LCE1E: variants seen among roughly 807,000 people sequenced by gnomAD.
The protein encoded by LCE1E is late cornified envelope 1E, also known as late cornified envelope protein 1E.
For missense variants in LCE1E, 144 were observed against 144.3 expected (o/e 1.00, Z 0.01); for synonymous variants, 61 against 55.0 (o/e 1.11, Z -0.48).
At chr1:152,786,878 C>A (rs1207429297) in intron 1 of LCE1E, among the ~76,000 whole-genome samples, 2 of 152,134 alleles carry the variant, frequency 1.3e-5, no homozygotes, top group African/African-American at 4.8e-5. Context: ...TATCCAAGAT[C>A]TTTTGTAGTA....
intron 1 of LCE1E, among the ~76,000 whole-genome samples, chr1:152,786,956 A>G (rs1284512082): frequency 6.6e-6 from 1 of 152,242 alleles, no homozygotes; most frequent in Non-Finnish European, 1.5e-5. Flanking sequence ...TCTTTAAGAA[A>G]TAATTTTCCC....
rs763571506 is a variant in LCE1E, at chr1:152,787,488, C to G, written c.189C>G (p.Ser63Arg). Residue 63 changes from serine (S) to arginine (R), a missense_variant, in exon 2 of 2, where the codon AGC (serine) becomes AGG (arginine). By Grantham distance (110) the Ser-to-Arg change is moderately radical (BLOSUM62 -1). Transcript: ENST00000368770. ...GSSSGGSCGSSSGGCCSSGGG... is the reference protein window; with the variant it reads ...GSSSGGSCGSRSGGCCSSGGG... Reference sequence around the variant, plus strand: ...GCTCTGGGGGCAGCTGTGGCTCCAGCTCTGGGGGCTGCTGCAGCTCTGGGG... The same window carrying G: ...GCTCTGGGGGCAGCTGTGGCTCCAGGTCTGGGGGCTGCTGCAGCTCTGGGG... 36 of 1,613,612 alleles carry G rather than the reference C, an allele frequency of 2.2e-5. No individual in the cohort carries two copies. The highest frequency in any genetic ancestry group is 3.0e-5 in the Non-Finnish European group (35 of 1,179,808).
rs1331173068 is a variant in LCE1E at position 152,788,290 on chromosome 1, G to C, written c.*634G>C. On this transcript the variant is annotated 3_prime_UTR_variant, in exon 2 of 2. Coordinates refer to ENST00000368770, the MANE Select transcript of LCE1E (RefSeq NM_178353.2). ...TCTCCCTGGACTCCTCCTCCATACT[G>C]TATGTGCATGCATTCACACACACAT... 3 of 148,944 alleles carry C rather than the reference G, an allele frequency of 2.0e-5. No individual in the cohort carries two copies. Among genetic ancestry groups the C allele is most frequent in the African/African-American group, 7.9e-5 (3 of 37,876 alleles). 9.2% of individuals were successfully genotyped at this position (148,944 alleles called of 1,614,324 possible). A position where few individuals can be genotyped will look rare whatever the true frequency, so the allele number is the denominator to read the frequency against.
At chr1:152,786,732 G>C (rs1179240787) in intron 1 of LCE1E, among the ~76,000 whole-genome samples, 1 of 152,164 alleles carries the variant, frequency 6.6e-6, no homozygotes, top group Non-Finnish European at 1.5e-5. Flanking sequence ...CCACCCATCA[G>C]CCTGAGCAGG....
At position 152,787,375 on chromosome 1, in the gene LCE1E, A is replaced by G. The variant is rs757709670; in HGVS notation, c.76A>G (p.Thr26Ala). Residue 26 changes from threonine (T) to alanine (A), a missense_variant, in exon 2 of 2, where the codon ACC (threonine) becomes GCC (alanine). By Grantham distance (58) the Thr-to-Ala change is moderately conservative. Transcript: ENST00000368770. ...CTPKCPPKCPTPKCPPKCPPK... is the reference protein window; with the variant it reads ...CTPKCPPKCPAPKCPPKCPPK... ...TCCCAAGTGCCCTCCCAAGTGTCCC[A>G]CCCCCAAATGCCCTCCAAAGTGTCC... 10 of 1,610,430 alleles carry G rather than the reference A, an allele frequency of 6.2e-6. No individual in the cohort carries two copies. The highest frequency in any genetic ancestry group is 8.5e-6 in the Non-Finnish European group (10 of 1,179,008).
Position 152,787,804 on chromosome 1 carries a change from T to A in LCE1E, c.*148T>A. 7.3e-6 allele frequency: 7 copies of A among 965,306 alleles called. No homozygotes were observed. Among genetic ancestry groups the A allele is most frequent in the Non-Finnish European group, 1.1e-5 (7 of 653,890 alleles). 59.8% of individuals were successfully genotyped at this position (965,306 alleles called of 1,614,324 possible). On this transcript the variant is annotated 3_prime_UTR_variant, in exon 2 of 2. Transcript: ENST00000368770. ...CCTTAATGGCATTTAGAGACTTTCTTCTGCAGATCCATGGCTGCCCTGGGA... is the reference window on the plus strand; with the variant it reads ...CCTTAATGGCATTTAGAGACTTTCTACTGCAGATCCATGGCTGCCCTGGGA...
Position 152,787,626 on chromosome 1 carries a change from C to A in LCE1E, c.327C>A (p.Gly109=), listed in dbSNP as rs148574694. The change falls in exon 2 of 2, where the codon GGC becomes GGA. Residue 109 remains glycine (G), a synonymous_variant. Transcript: ENST00000368770. ...PSGGSSCCGG[G]SGQHSGGCC Reference sequence around the variant, plus strand: ...GGGGCTCCAGCTGCTGTGGAGGGGGCAGCGGCCAGCACTCTGGAGGCTGCT... The same window carrying A: ...GGGGCTCCAGCTGCTGTGGAGGGGGAAGCGGCCAGCACTCTGGAGGCTGCT... 102 of 1,595,156 alleles carry A rather than the reference C, an allele frequency of 6.4e-5. No individual in the cohort carries two copies. The highest frequency in any genetic ancestry group is 8.4e-5 in the Non-Finnish European group (98 of 1,170,796).
In LCE1E at chr1:152,787,473, C is replaced by T. The variant is rs149361062; in HGVS notation, c.174C>T (p.Gly58=). The change falls in exon 2 of 2, where the codon GGC becomes GGT. Residue 58 remains glycine (G), a synonymous_variant. Coordinates refer to ENST00000368770, the MANE Select transcript of LCE1E (RefSeq NM_178353.2). ...GCTGCTGTGGCTCCAGCTCTGGGGG[C>T]AGCTGTGGCTCCAGCTCTGGGGGCT... is the stretch of plus-strand genomic sequence containing the variant. ...SGGCCGSSSG[G]SCGSSSGGCC... 1.1e-3 allele frequency: 1,822 copies of T among 1,613,480 alleles called. 19 individuals carry two copies. In the African/African-American group the frequency reaches 0.022, roughly 20 times the overall value.
chr1:152,787,393 A>C lies in LCE1E; in HGVS notation c.94A>C (p.Lys32Gln). The C allele has an allele frequency of 1.2e-6, 2 of 1,613,970 alleles. No homozygotes were observed. Among genetic ancestry groups the C allele is most frequent in the Non-Finnish European group, 8.5e-7 (1 of 1,179,986 alleles). The stretch of plus-strand genomic sequence containing the variant: ...GTGTCCCACCCCCAAATGCCCTCCA[A>C]AGTGTCCCCCTAAGTGCCCTCCAGT... ...PKCPTPKCPP[K>Q]CPPKCPPVSS... Residue 32 changes from lysine (K) to glutamine (Q), a missense_variant, in exon 2 of 2, where the codon AAG becomes CAG. Physicochemically the swap from Lys to Gln is moderately conservative, Grantham distance 53. Transcript: ENST00000368770.
rs775998113 is a variant in LCE1E at position 152,787,420 on chromosome 1, T to A, written c.121T>A (p.Ser41Thr). The change falls in exon 2 of 2, where the codon TCT (serine) becomes ACT (threonine). Residue 41 changes from serine (S) to threonine (T), a missense_variant. Coordinates refer to ENST00000368770, the MANE Select transcript of LCE1E (RefSeq NM_178353.2). Reference protein sequence around the residue: ...PKCPPKCPPVSSCCSVSSGGC... With the variant: ...PKCPPKCPPVTSCCSVSSGGC... Reference sequence around the variant, plus strand: ...GTGTCCCCCTAAGTGCCCTCCAGTCTCTTCCTGCTGCAGTGTCAGCTCCGG... The same window carrying A: ...GTGTCCCCCTAAGTGCCCTCCAGTCACTTCCTGCTGCAGTGTCAGCTCCGG... 6.2e-7 allele frequency: 1 copy of A among 1,613,652 alleles called. No homozygotes were observed. Among genetic ancestry groups the A allele is most frequent in the Non-Finnish European group, 8.5e-7 (1 of 1,179,950 alleles).
chr1:152,786,742 G>T (rs1651859559), intron 1 of LCE1E, among the ~76,000 whole-genome samples: 1 of 152,180 alleles, frequency 6.6e-6, no homozygotes, highest in Non-Finnish European at 1.5e-5. Context: ...GCCTGAGCAG[G>T]TGGTAAGCTG....
rs929321892 is a variant in LCE1E at position 152,787,377 on chromosome 1, C to T, written c.78C>T (p.Thr26=). ...CCAAGTGCCCTCCCAAGTGTCCCAC[C>T]CCCAAATGCCCTCCAAAGTGTCCCC... ...CTPKCPPKCP[T]PKCPPKCPPK... Residue 26 remains threonine (T), a synonymous_variant, in exon 2 of 2, where the codon ACC becomes ACT. Transcript: ENST00000368770. The T allele has an allele frequency of 5.0e-6, 8 of 1,614,008 alleles. No individual in the cohort carries two copies. The Admixed American group carries it at 1.0e-4, about 20-fold the overall frequency.
In LCE1E at chr1:152,787,304, C is replaced by A; in HGVS notation, c.5C>A (p.Ser2Tyr). The A allele has an allele frequency of 6.2e-7, 1 of 1,614,100 alleles. No individual in the cohort carries two copies. The highest frequency in any genetic ancestry group is 8.5e-7 in the Non-Finnish European group (1 of 1,179,968). The change falls in exon 2 of 2, where the codon TCC (serine) becomes TAC (tyrosine). Residue 2 changes from serine to tyrosine, a missense_variant. By Grantham distance (144) the Ser-to-Tyr change is moderately radical. Transcript: ENST00000368770. M[S>Y]CQQSQQQCQP... ...TCCTAAGTACCTACTGCCGAGATGT[C>A]CTGCCAGCAGAGCCAGCAGCAGTGC...
intron 1 of LCE1E, 124 bp from the exon 2 acceptor site, chr1:152,787,154 G>A (rs1348512480): frequency 1.9e-5 from 18 of 925,396 alleles, no homozygotes; most frequent in Non-Finnish European, 3.0e-5. Context: ...AGAGAATTTG[G>A]GGAAAGTATT....
At position 152,787,721 on chromosome 1, in the gene LCE1E, T is replaced by C. The variant is rs546053469; in HGVS notation, c.*65T>C. The C allele has an allele frequency of 2.1e-5, 31 of 1,498,522 alleles. No individual in the cohort carries two copies. The highest frequency in any genetic ancestry group is 2.3e-5 in the East Asian group (1 of 43,826). The allele number at this position is 1,498,522 out of a possible 1,614,324, so 92.8% of individuals were successfully genotyped here. A position where few individuals can be genotyped will look rare whatever the true frequency, so the allele number is the denominator to read the frequency against. ...ATAGCTGAGAGGTTCCAGCAAAAGC[T>C]TGAAGTCTTGCCTGGAGAATCCCTC... On this transcript the variant is annotated 3_prime_UTR_variant, in exon 2 of 2. Transcript: ENST00000368770.
At position 152,787,415 on chromosome 1, in the gene LCE1E, C is replaced by T; in HGVS notation, c.116C>T (p.Pro39Leu). 6.2e-7 allele frequency: 1 copy of T among 1,614,136 alleles called. No individual in the cohort carries two copies. Residue 39 changes from proline to leucine, a missense_variant, in exon 2 of 2, where the codon CCA becomes CTA. Transcript: ENST00000368770. ...CPPKCPPKCP[P>L]VSSCCSVSSG... is the part of the protein sequence containing the mutation. Reference sequence around the variant, plus strand: ...CCAAAGTGTCCCCCTAAGTGCCCTCCAGTCTCTTCCTGCTGCAGTGTCAGC... The same window carrying T: ...CCAAAGTGTCCCCCTAAGTGCCCTCTAGTCTCTTCCTGCTGCAGTGTCAGC...
rs774975006 is a variant in LCE1E at position 152,787,553 on chromosome 1, C to T, written c.254C>T (p.Ser85Phe). 1.3e-5 allele frequency: 21 copies of T among 1,612,480 alleles called. No individual in the cohort carries two copies. The South Asian group carries it at 2.1e-4, about 16-fold the overall frequency. Residue 85 changes from serine (S) to phenylalanine (F), a missense_variant, in exon 2 of 2, where the codon TCC becomes TTC. Physicochemically the swap from Ser to Phe is radical, Grantham distance 155. Transcript: ENST00000368770. Reference protein sequence around the residue: ...CCLSHHRHHRSHRHRPQSSDC... With the variant: ...CCLSHHRHHRFHRHRPQSSDC... Reference sequence around the variant, plus strand: ...CTGAGCCACCACAGGCACCACAGGTCCCACCGTCACAGACCCCAGAGCTCT... The same window carrying T: ...CTGAGCCACCACAGGCACCACAGGTTCCACCGTCACAGACCCCAGAGCTCT...
chr1:152,787,171 GA>G, intron 1 of LCE1E, 106 bp from the exon 2 acceptor site: 1 of 1,069,684 alleles, frequency 9.3e-7, no homozygotes, highest in Non-Finnish European at 1.4e-6. Flanking sequence ...TATTGGAAGT[GA>G]AACTACTGGA....
intron 1 of LCE1E, among the ~76,000 whole-genome samples, chr1:152,786,609 CA>C (rs138917341): frequency 0.027 from 4,090 of 152,228 alleles, 184 homozygotes; most frequent in African/African-American, 0.093. Context: ...GAGCCATGGA[CA>C]GGGGACCAGA....
Sources: allele counts gnomAD v4.1 joint callset (sites outside exome capture counted in the v4.1 genomes callset), GRCh38; gene constraint gnomAD v4.1.1; transcripts MANE v1.5; gene names NCBI Gene and HGNC (gene_info 2026-07-23, HGNC 2026-07-21).